MATN2: variants seen among roughly 807,000 people sequenced by gnomAD.
MATN2 encodes matrilin-2.
MATN2 carries 69 observed loss-of-function variants against 103.2 expected under a neutral mutation model. The observed-to-expected ratio is 0.67, with a 90% CI of 0.55 to 0.82. MATN2 has a LOEUF of 0.82. Ranked by LOEUF, MATN2 falls within the 40% of genes least tolerant of loss-of-function variation. The pLI, the probability that MATN2 is intolerant of heterozygous loss-of-function variation, is 0.00. For synonymous variants in MATN2, 429 were observed against 450.2 expected (o/e 0.95, Z 0.60); for missense variants, 1,023 against 1,211.5 (o/e 0.84, Z 2.31).
intron 5 of MATN2, among the ~76,000 whole-genome samples, chr8:97,977,559 C>A (rs1343753266): frequency 6.6e-6 from 1 of 152,130 alleles, no homozygotes; most frequent in Non-Finnish European, 1.5e-5. Flanking sequence ...TAAGCCTCCA[C>A]CCTTCCTCCC....
intron 5 of MATN2, among the ~76,000 whole-genome samples, chr8:97,969,791 T>G (rs1314845339): frequency 6.6e-6 from 1 of 152,160 alleles, no homozygotes. Context: ...TTTGCTAGGC[T>G]TGAGGAGCAC....
Position 97,879,632 on chromosome 8 carries a change from G to C in MATN2, c.-26-8443G>C, listed in dbSNP as rs143337304. The stretch of plus-strand genomic sequence containing the variant: ...ATTTATCCACTCACAAATGTGTTGA[G>C]GATACAGAGGACACGTGGAAGCTGG... On this transcript the variant is annotated intron_variant, in intron 1 of 18. Coordinates refer to ENST00000254898, the MANE Select transcript of MATN2 (RefSeq NM_002380.5). 3.5e-3 allele frequency among the ~76,000 whole-genome samples: 537 copies of C among 152,328 alleles called. 2 individuals are homozygous for C. Among genetic ancestry groups the C allele is most frequent in the Middle Eastern group, 0.034 (10 of 294 alleles).
chr8:98,032,152 G>A (rs1274602502), intron 15 of MATN2, 94 bp from the exon 16 acceptor site: 6 of 929,526 alleles, frequency 6.5e-6, no homozygotes, highest in African/African-American at 1.7e-5. Flanking sequence ...GTTATGGCAG[G>A]TAGGTAAGGA....
At chr8:97,932,080 G>T (rs1419816865) in intron 3 of MATN2, among the ~76,000 whole-genome samples, 1 of 152,148 alleles carries the variant, frequency 6.6e-6, no homozygotes, top group African/African-American at 2.4e-5. Flanking sequence ...GGACATGAAG[G>T]AGTGTGCAAC....
chr8:97,956,640 A>C (rs879582904), intron 4 of MATN2, among the ~76,000 whole-genome samples: 5 of 152,096 alleles, frequency 3.3e-5, no homozygotes, highest in Non-Finnish European at 5.9e-5. Flanking sequence ...GGTGTGTCTT[A>C]TGGAAAGCTG....
At chr8:97,880,606 C>T (rs970704728) in intron 1 of MATN2, among the ~76,000 whole-genome samples, 1 of 152,348 alleles carries the variant, frequency 6.6e-6, no homozygotes, top group African/African-American at 2.4e-5. Flanking sequence ...CTTCCCCCTG[C>T]ACAGATCTCC....
At chr8:97,878,545 CA>C (rs769329845) in intron 1 of MATN2, among the ~76,000 whole-genome samples, 281 of 129,444 alleles carry the variant, frequency 2.2e-3, no homozygotes, top group Admixed American at 2.4e-3. Flanking sequence ...GACTCTGTCT[CA>C]AAAAAAAAAA....
chr8:98,003,632 G>C, intron 7 of MATN2, 29 bp from the exon 8 acceptor site: 1 of 1,613,036 alleles, frequency 6.2e-7, no homozygotes, highest in Non-Finnish European at 8.5e-7. Context: ...TCCAGAGTCT[G>C]AAGGAAGGTC....
At chr8:97,956,114 C>T (rs1394366901) in intron 4 of MATN2, among the ~76,000 whole-genome samples, 2 of 152,180 alleles carry the variant, frequency 1.3e-5, no homozygotes, top group Admixed American at 1.3e-4. Flanking sequence ...TCCGTGACTG[C>T]TCCTGCAGAG....
At chr8:97,884,647 G>A (rs533566509) in intron 1 of MATN2, among the ~76,000 whole-genome samples, 2 of 151,908 alleles carry the variant, frequency 1.3e-5, no homozygotes, top group Non-Finnish European at 2.9e-5. Flanking sequence ...GTGGCGCACC[G>A]GTAGTCCCAG....
intron 13 of MATN2, among the ~76,000 whole-genome samples, chr8:98,026,545 C>G (rs559896680): frequency 6.6e-6 from 1 of 152,314 alleles, no homozygotes; most frequent in East Asian, 1.9e-4. Context: ...GCGTGAGCCA[C>G]TGCACTAAGG....
In MATN2 at chr8:97,965,127, C is replaced by A. The variant is rs148205164; in HGVS notation, c.958+3597C>A. 4.8e-3 allele frequency among the ~76,000 whole-genome samples: 725 copies of A among 152,248 alleles called. 10 individuals are homozygous for A. Among genetic ancestry groups the A allele is most frequent in the African/African-American group, 0.016 (664 of 41,538 alleles). ...GTTTGGATGATAAATTACATAATCA[C>A]CCTAGTTAAGGCTGTCCAATTTGAC... On this transcript the variant is annotated intron_variant, in intron 5 of 18. Transcript: ENST00000254898.
At chr8:98,024,049 G>A (rs936001354) in intron 13 of MATN2, among the ~76,000 whole-genome samples, 2 of 152,140 alleles carry the variant, frequency 1.3e-5, no homozygotes, top group African/African-American at 2.4e-5. Context: ...GGGGGTAGTC[G>A]GGAGTGAGAA....
At chr8:97,941,314 C>G (rs1314971890) in intron 3 of MATN2, among the ~76,000 whole-genome samples, 1 of 151,822 alleles carries the variant, frequency 6.6e-6, no homozygotes, top group African/African-American at 2.4e-5. Context: ...TAAAAATTTA[C>G]GTTACTCTTG....
intron 7 of MATN2, among the ~76,000 whole-genome samples, chr8:97,998,824 CT>C (rs1238422179): frequency 1.3e-5 from 2 of 151,898 alleles, no homozygotes; most frequent in Non-Finnish European, 2.9e-5. Context: ...ACAACATTGG[CT>C]TTTTTAGTGT....
intron 4 of MATN2, among the ~76,000 whole-genome samples, chr8:97,949,336 T>G (rs1810865922): frequency 6.6e-6 from 1 of 150,760 alleles, no homozygotes; most frequent in South Asian, 2.1e-4. Context: ...CCTGGCTAAT[T>G]TTTTTTTTGT....
chr8:98,022,357 G>GCA (rs34090534), intron 13 of MATN2, among the ~76,000 whole-genome samples: 13,712 of 150,568 alleles, frequency 0.091, 794 homozygotes, highest in Middle Eastern at 0.21. Flanking sequence ...ATACCCTTAT[G>GCA]CACACACACA....
rs770173029 is a variant in MATN2, at chr8:98,030,543, A to G, written c.2438A>G (p.His813Arg). The G allele has an allele frequency of 6.2e-7, 1 of 1,613,968 alleles. No homozygotes were observed. The highest frequency in any genetic ancestry group is 8.5e-7 in the Non-Finnish European group (1 of 1,179,842). Residue 813 changes from histidine to arginine, a missense_variant, in exon 15 of 19, where the codon CAT (histidine) becomes CGT (arginine). His to Arg is a conservative substitution (Grantham distance 29). Transcript: ENST00000254898. The stretch of plus-strand genomic sequence containing the variant: ...ATTGCCTCTGAGCCCACAAACAAGC[A>G]TCTCTTCTATGCCGAAGACTTCAGC... ...QEIASEPTNK[H>R]LFYAEDFSTM...
intron 2 of MATN2, among the ~76,000 whole-genome samples, chr8:97,917,447 C>T (rs1222462668): frequency 6.6e-6 from 1 of 152,164 alleles, no homozygotes. Flanking sequence ...GTCGAGCATT[C>T]TTGAGAGAAG....
Sources: allele counts gnomAD v4.1 joint callset (sites outside exome capture counted in the v4.1 genomes callset), GRCh38; gene constraint gnomAD v4.1.1; transcripts MANE v1.5; gene names NCBI Gene and HGNC (gene_info 2026-07-23, HGNC 2026-07-21).